EPB41L1: variants seen among roughly 807,000 people sequenced by gnomAD.
EPB41L1 encodes erythrocyte membrane protein band 4.1 like 1, also known as band 4.1-like protein 1.
Under a neutral mutation model 97.8 loss-of-function variants are expected in EPB41L1, and 29 were observed. That is an observed-to-expected ratio of 0.30 (90% CI 0.22 to 0.40). EPB41L1 has a LOEUF of 0.40. Ranked by LOEUF, EPB41L1 falls within the 10% of genes least tolerant of loss-of-function variation. EPB41L1 has a pLI of 1.00. For synonymous variants in EPB41L1, 383 were observed against 459.2 expected, an observed-to-expected ratio of 0.83 and a Z score of 2.12; for missense variants, 812 against 1,162.3, an observed-to-expected ratio of 0.70 and a Z score of 4.38.
At chr20:36,132,116 T>A (rs957045626) in intron 2 of EPB41L1, among the ~76,000 whole-genome samples, 2 of 152,132 alleles carry the variant, frequency 1.3e-5, no homozygotes, top group Non-Finnish European at 2.9e-5. Context: ...TGAGGACCCC[T>A]CCCTAGGTGA....
intron 2 of EPB41L1, among the ~76,000 whole-genome samples, chr20:36,115,841 G>T (rs989097440): frequency 1.3e-5 from 2 of 152,118 alleles, no homozygotes; most frequent in Admixed American, 1.3e-4. Flanking sequence ...GCAGTGAGTC[G>T]CAATCGTATG....
At chr20:36,229,287 C>A in intron 21 of EPB41L1, 45 bp from the exon 22 acceptor site, 5 of 1,367,586 alleles carry the variant, frequency 3.7e-6, no homozygotes, top group Non-Finnish European at 5.2e-6. Flanking sequence ...CTTCCTTTCC[C>A]CCCACTCCCC....
intron 19 of EPB41L1, 114 bp from the exon 20 acceptor site, chr20:36,221,750 A>C: frequency 6.9e-6 from 6 of 874,898 alleles, no homozygotes; most frequent in Non-Finnish European, 1.2e-5. Flanking sequence ...TCAGGAGAGA[A>C]GGTAACTGCT....
chr20:36,099,461 A>G (rs535707683), intron 1 of EPB41L1, among the ~76,000 whole-genome samples: 1 of 152,274 alleles, frequency 6.6e-6, no homozygotes, highest in African/African-American at 2.4e-5. Context: ...CTCTTTGTAA[A>G]TTGCTTAAGG....
chr20:36,193,716 A>G (rs548928832), intron 11 of EPB41L1, among the ~76,000 whole-genome samples: 2 of 152,336 alleles, frequency 1.3e-5, no homozygotes, highest in East Asian at 3.9e-4. Flanking sequence ...TAGTCTCACA[A>G]TATTTGTGTG....
rs752354193 is a variant in EPB41L1, at chr20:36,185,183, G to C, written c.633G>C (p.Thr211=). The C allele has an allele frequency of 4.3e-6, 7 of 1,613,284 alleles. No individual in the cohort carries two copies. The African/African-American group carries it at 9.3e-5, about 22-fold the overall frequency. ...GCCGGCTGCCATGCTCCTTTGTCAC[G>C]CATGCCCTACTGGGCTCCTACGCTG... ...ITGRLPCSFV[T]HALLGSYAVQ... The change falls in exon 7 of 22, where the codon ACG becomes ACC. Residue 211 remains threonine, a synonymous_variant. Transcript: ENST00000338074.
At chr20:36,160,529 G>A (rs1175688316) in intron 1 of EPB41L1, among the ~76,000 whole-genome samples, 2 of 152,026 alleles carry the variant, frequency 1.3e-5, no homozygotes, top group East Asian at 3.9e-4. Context: ...AGGTTGTGGG[G>A]CAGTGAGCCG....
intron 2 of EPB41L1, among the ~76,000 whole-genome samples, chr20:36,139,719 T>C (rs1012383498): frequency 1.3e-5 from 2 of 152,102 alleles, no homozygotes; most frequent in Non-Finnish European, 2.9e-5. Flanking sequence ...TTAAGTGCTT[T>C]CTTCTTATTA....
Position 36,178,689 on chromosome 20 carries a change from G to A in EPB41L1, c.490+17G>A, listed in dbSNP as rs1707790398. The A allele has an allele frequency of 1.9e-6, 3 of 1,613,946 alleles. No individual in the cohort carries two copies. Among genetic ancestry groups the A allele is most frequent in the Non-Finnish European group, 2.5e-6 (3 of 1,179,864 alleles). On this transcript the variant is annotated intron_variant, in intron 5 of 21. Coordinates refer to ENST00000338074, the MANE Select transcript of EPB41L1 (RefSeq NM_012156.2). ...AGATCCGGAGTGAGTGGCTTGTTGT[G>A]TTTGGGGAGGTGGGTGGGTGAGGGG... is the stretch of plus-strand genomic sequence containing the variant.
Position 36,214,403 on chromosome 20 carries a change from C to T in EPB41L1, c.2231C>T (p.Thr744Ile). 1 of 1,613,822 alleles carries T rather than the reference C, an allele frequency of 6.2e-7. No homozygotes were observed. Among genetic ancestry groups the T allele is most frequent in the South Asian group, 1.1e-5 (1 of 91,034 alleles). The change falls in exon 17 of 22, where the codon ACT becomes ATT. Residue 744 changes from threonine (T) to isoleucine (I), a missense_variant. By Grantham distance (89) the Thr-to-Ile change is moderately conservative. Transcript: ENST00000338074. ...GTGGGGAGGGAGTTCATAGCAACCA[C>T]TCCCTCCATCACCACGGAGACCATA... ...ASVGREFIAT[T>I]PSITTETIST...
chr20:36,115,248 A>G (rs2058548213), intron 2 of EPB41L1, among the ~76,000 whole-genome samples: 1 of 152,200 alleles, frequency 6.6e-6, no homozygotes, highest in South Asian at 2.1e-4. Context: ...TTCAAGCCCA[A>G]GGTGTCTGGC....
intron 2 of EPB41L1, among the ~76,000 whole-genome samples, chr20:36,174,748 G>C (rs1230577292): frequency 6.6e-6 from 1 of 152,068 alleles, no homozygotes; most frequent in Non-Finnish European, 1.5e-5. Context: ...TATTCTCTCA[G>C]ACTAAAGAGG....
intron 1 of EPB41L1, among the ~76,000 whole-genome samples, chr20:36,104,171 G>A (rs1288920591): frequency 6.6e-6 from 1 of 152,180 alleles, no homozygotes; most frequent in East Asian, 1.9e-4. Context: ...TGGCAGAGAT[G>A]TGGCTGAGTG....
chr20:36,182,164 TGAGATTATACATAG>T, intron 5 of EPB41L1, 94 bp from the exon 6 acceptor site: 1 of 949,746 alleles, frequency 1.1e-6, no homozygotes, highest in South Asian at 1.3e-5. Flanking sequence ...TGGATTGTCC[TGAGATTATACATAG>T]GAGAAACTTT....
At chr20:36,149,473 A>G (rs2059961818) in intron 2 of EPB41L1, among the ~76,000 whole-genome samples, 1 of 152,138 alleles carries the variant, frequency 6.6e-6, no homozygotes. Flanking sequence ...CAGTGCTTTG[A>G]GAGGCTTCTT....
chr20:36,211,416 C>T (rs373996501), intron 15 of EPB41L1, among the ~76,000 whole-genome samples: 3 of 152,074 alleles, frequency 2.0e-5, no homozygotes, highest in African/African-American at 7.2e-5. Context: ...AAACTATACT[C>T]AGAGGTCATA....
intron 2 of EPB41L1, among the ~76,000 whole-genome samples, chr20:36,140,702 C>T (rs1417174715): frequency 1.3e-5 from 2 of 152,142 alleles, no homozygotes; most frequent in African/African-American, 4.8e-5. Flanking sequence ...AGCAGATAAT[C>T]AGAAGCCCAA....
intron 21 of EPB41L1, among the ~76,000 whole-genome samples, chr20:36,224,228 G>T (rs2063966430): frequency 6.6e-6 from 1 of 152,034 alleles, no homozygotes. Flanking sequence ...GTGCTTTAAG[G>T]GTGAAATACA....
At chr20:36,222,166 CCT>C in intron 20 of EPB41L1, 110 bp from the exon 21 acceptor site, 1 of 1,092,572 alleles carries the variant, frequency 9.2e-7, no homozygotes, top group South Asian at 1.3e-5. Flanking sequence ...TGACTTTGCC[CCT>C]CTCTGGGCCT....
Sources: gnomAD v4.1 joint callset for allele counts (sites outside exome capture counted in the v4.1 genomes callset) on GRCh38, gnomAD v4.1.1 for gene constraint, MANE v1.5 for transcripts, NCBI Gene and HGNC (gene_info 2026-07-23, HGNC 2026-07-21) for gene names.